The following LRRK2 variants were observed in gnomAD, a reference collection of about 807,000 sequenced individuals.
The protein encoded by LRRK2 is leucine-rich repeat serine/threonine-protein kinase 2.
In LRRK2, 203 loss-of-function variants were observed where a neutral mutation model predicts 302.6. That is an observed-to-expected ratio of 0.67 (90% CI 0.60 to 0.75). The LOEUF is 0.75. Among genes scored for constraint, LRRK2 ranks in the 30% least tolerant of loss-of-function variants. LRRK2 has a pLI of 0.00. For synonymous variants in LRRK2, 1,066 were observed against 1,031.9 expected (o/e 1.03, Z -0.63); for missense variants, 2,830 against 2,951.0 (o/e 0.96, Z 0.95).
At chr12:40,257,452 T>TC in intron 12 of LRRK2, 75 bp downstream of exon 12, 2 of 1,531,506 alleles carry the variant, frequency 1.3e-6, no homozygotes, top group South Asian at 2.3e-5. Context: ...CAAGCATATT[T>TC]CTAACAATGA....
At chr12:40,353,747 C>T (rs1030066115) in intron 44 of LRRK2, among the ~76,000 whole-genome samples, 14 of 152,216 alleles carry the variant, frequency 9.2e-5, no homozygotes, top group African/African-American at 1.7e-4. Context: ...CTCGGGAGGC[C>T]GAGGCTGGCA....
At chr12:40,356,359 G>A (rs550675267) in intron 46 of LRRK2, among the ~76,000 whole-genome samples, 172 bp downstream of exon 46, 4 of 152,150 alleles carry the variant, frequency 2.6e-5, no homozygotes, top group Admixed American at 1.3e-4. Context: ...GAAAATACTT[G>A]CTGATTGACT....
intron 40 of LRRK2, among the ~76,000 whole-genome samples, chr12:40,336,661 C>G (rs2404835): frequency 6.6e-6 from 1 of 151,954 alleles, no homozygotes; most frequent in East Asian, 1.9e-4. Context: ...CAGAAATGTT[C>G]CTTCCTGAAA....
At chr12:40,236,057 C>T (rs1941453081) in intron 4 of LRRK2, among the ~76,000 whole-genome samples, 1 of 152,052 alleles carries the variant, frequency 6.6e-6, no homozygotes, top group Non-Finnish European at 1.5e-5. Context: ...GATGTTTGCT[C>T]CCAAAATCTG....
rs574856419 is a variant in LRRK2, at chr12:40,316,222, A to G, written c.4827+922A>G. 6.4e-6 allele frequency: 3 copies of G among 468,940 alleles called. No individual in the cohort carries two copies. The East Asian group carries it at 4.6e-4, about 72-fold the overall frequency. 29.0% of individuals were successfully genotyped at this position (468,940 alleles called of 1,614,324 possible). A position where few individuals can be genotyped will look rare whatever the true frequency, so the allele number is the denominator to read the frequency against. On this transcript the variant is annotated intron_variant, in intron 33 of 50. Coordinates refer to ENST00000298910, the MANE Select transcript of LRRK2 (RefSeq NM_198578.4). ...AATATCTCTTCCAATTAAACCATAA[A>G]GGTAATTAAATTCACTCAGGCAGCC...
chr12:40,282,092 T>C (rs1440545561), intron 18 of LRRK2, among the ~76,000 whole-genome samples: 1 of 21,904 alleles, frequency 4.6e-5, no homozygotes, highest in Non-Finnish European at 8.6e-5. Flanking sequence ...TCCCTTCTCT[T>C]CCCTCCCCTC....
intron 39 of LRRK2, among the ~76,000 whole-genome samples, chr12:40,333,675 G>C (rs754380853): frequency 2.3e-4 from 35 of 151,046 alleles, no homozygotes; most frequent in Admixed American, 3.3e-4. Context: ...ATGATATCTC[G>C]GACTTTTTTT....
intron 4 of LRRK2, 23 bp from the exon 5 acceptor site, chr12:40,237,946 G>C: frequency 6.2e-7 from 1 of 1,603,310 alleles, no homozygotes; most frequent in Non-Finnish European, 8.5e-7. Context: ...TTTACTCAGA[G>C]CATATTATTC....
At chr12:40,257,494 AC>A (rs1942572343) in intron 12 of LRRK2, 117 bp downstream of exon 12, 1 of 1,258,428 alleles carries the variant, frequency 7.9e-7, no homozygotes, top group Non-Finnish European at 1.1e-6. Flanking sequence ...ACACTTGAAA[AC>A]TGAAGCATTT....
intron 4 of LRRK2, 56 bp from the exon 5 acceptor site, chr12:40,237,913 C>T: frequency 6.5e-7 from 1 of 1,546,364 alleles, no homozygotes; most frequent in Non-Finnish European, 8.8e-7. Flanking sequence ...TAAAAATTAA[C>T]ACATTAAATG....
intron 19 of LRRK2, among the ~76,000 whole-genome samples, chr12:40,284,447 AAG>A (rs1211344356): frequency 6.8e-6 from 1 of 147,814 alleles, no homozygotes; most frequent in African/African-American, 2.4e-5. Context: ...AATTATAAAA[AAG>A]AAAATAAAAA....
chr12:40,243,264 A>T (rs531563364), intron 6 of LRRK2, among the ~76,000 whole-genome samples: 15 of 151,746 alleles, frequency 9.9e-5, no homozygotes, highest in African/African-American at 3.6e-4. Flanking sequence ...CATTTTCAGT[A>T]CTAAAAGTAC....
chr12:40,234,439 C>T (rs1412736161), intron 3 of LRRK2, among the ~76,000 whole-genome samples: 5 of 120,754 alleles, frequency 4.1e-5, no homozygotes, highest in Non-Finnish European at 6.4e-5. Flanking sequence ...CGTGCAGTGG[C>T]GTGATCTCGG....
intron 18 of LRRK2, among the ~76,000 whole-genome samples, chr12:40,283,474 G>T (rs1173330185): frequency 6.6e-6 from 1 of 152,192 alleles, no homozygotes; most frequent in African/African-American, 2.4e-5. Flanking sequence ...CACAAATAAA[G>T]GCAGGACAGT....
At position 40,225,275 on chromosome 12, in the gene LRRK2, C is replaced by G. The variant is rs746291302; in HGVS notation, c.144C>G (p.Ser48=). The stretch of plus-strand genomic sequence containing the variant: ...AGGATCTGCTGGTGTTCACGTACTC[C>G]GAGCGCGGTAATCACTTGAAAATAA... ...ILEDLLVFTY[S]ERASKLFQGK... The change falls in exon 1 of 51, where the codon TCC becomes TCG. Residue 48 remains serine (S), a synonymous_variant. Coordinates refer to ENST00000298910, the MANE Select transcript of LRRK2 (RefSeq NM_198578.4). The G allele has an allele frequency of 1.2e-6, 2 of 1,614,106 alleles. No individual in the cohort carries two copies. The highest frequency in any genetic ancestry group is 1.7e-6 in the Non-Finnish European group (2 of 1,180,006).
intron 1 of LRRK2, 74 bp from the exon 2 acceptor site, chr12:40,225,481 G>T (rs761070721): frequency 7.1e-7 from 1 of 1,403,290 alleles, no homozygotes; most frequent in Non-Finnish European, 1.0e-6. Flanking sequence ...TTTTCTCCCC[G>T]TTTCAGACTA....
chr12:40,321,948 C>A, intron 35 of LRRK2, 87 bp from the exon 36 acceptor site: 2 of 1,285,098 alleles, frequency 1.6e-6, no homozygotes, highest in Non-Finnish European at 2.2e-6. Context: ...ATGAATAGAT[C>A]TGTATTACAA....
At chr12:40,315,364 G>A (rs1198590440) in intron 33 of LRRK2, 64 bp downstream of exon 33, 27 of 1,306,716 alleles carry the variant, frequency 2.1e-5, no homozygotes, top group Admixed American at 3.4e-5. Flanking sequence ...ATGGCGCCCA[G>A]AGCATTGAGC....
intron 27 of LRRK2, 161 bp downstream of exon 27, chr12:40,304,295 AT>A: frequency 1.5e-6 from 1 of 682,580 alleles, no homozygotes; most frequent in Non-Finnish European, 2.4e-6. Context: ...TTTCCATTAA[AT>A]TTAAAAATAA....
Sources: gnomAD v4.1 joint callset for allele counts (sites outside exome capture counted in the v4.1 genomes callset) on GRCh38, gnomAD v4.1.1 for gene constraint, MANE v1.5 for transcripts, NCBI Gene and HGNC (gene_info 2026-07-23, HGNC 2026-07-21) for gene names.